TTN: variants seen among roughly 807,000 people sequenced by gnomAD.
TTN encodes the protein titin, also known as connectin.
A neutral mutation model predicts 3,223.0 loss-of-function variants in TTN; 1,525 were observed. That is an observed-to-expected ratio of 0.47 (90% CI 0.45 to 0.49). TTN has a LOEUF of 0.49. Among genes scored for constraint, TTN ranks in the 20% least tolerant of loss-of-function variants. The pLI, the probability that TTN is intolerant of heterozygous loss-of-function variation, is 0.00. For missense variants in TTN, 40,786 were observed against 43,424.0 expected (o/e 0.94, Z 5.40); for synonymous variants, 14,094 against 15,161.0 (o/e 0.93, Z 5.17).
rs1454800092 is a variant in TTN, at chr2:178,653,279, G to C, written c.38750C>G (p.Pro12917Arg). The change falls in exon 198 of 363, where the codon CCC becomes CGC. Residue 12917 changes from proline to arginine, a missense_variant. Transcript: ENST00000589042. ...TTCAGGCTTTTTAGGAGGAGCCAAG[G>C]GCACTTTCTTTTCAAGGACAACTTC... The part of the protein sequence containing the change: ...PKEVVLEKKV[P>R]LAPPKKPEVP... 7 of 1,612,390 alleles carry C rather than the reference G, an allele frequency of 4.3e-6. No homozygotes were observed. Among genetic ancestry groups the C allele is most frequent in the South Asian group, 1.1e-5 (1 of 90,930 alleles).
At chr2:178,779,176 C>G in intron 23 of TTN, 53 bp downstream of exon 23, 1 of 1,612,766 alleles carries the variant, frequency 6.2e-7, no homozygotes, top group African/African-American at 1.3e-5. Context: ...TATATTTTAA[C>G]CAATTTGTAT....
At position 178,590,293 on chromosome 2, in the gene TTN, G is replaced by A. The variant is rs1214929861; in HGVS notation, c.61432C>T (p.Leu20478Phe). The A allele has an allele frequency of 2.5e-6, 4 of 1,570,912 alleles. No individual in the cohort carries two copies. Among genetic ancestry groups the A allele is most frequent in the Non-Finnish European group, 3.5e-6 (4 of 1,159,188 alleles). Residue 20478 changes from leucine to phenylalanine, a missense_variant, in exon 304 of 363, where the codon CTT (leucine) becomes TTT (phenylalanine). Leu to Phe is a conservative substitution (Grantham distance 22, BLOSUM62 0). Transcript: ENST00000589042. ...KDILHPPEVE[L>F]DVTCRDVITV... is the part of the protein sequence containing the mutation. ...ATAACATCACGACAAGTAACATCAA[G>A]TTCTACTTCTGGAGGATGAAGGATA...
At position 178,775,484 on chromosome 2, in the gene TTN, T is replaced by C. The variant is rs397517688; in HGVS notation, c.6380A>G (p.Tyr2127Cys). 11 of 1,613,904 alleles carry C rather than the reference T, an allele frequency of 6.8e-6. No homozygotes were observed. Among genetic ancestry groups the C allele is most frequent in the Non-Finnish European group, 7.6e-6 (9 of 1,179,994 alleles). Residue 2127 changes from tyrosine to cysteine, a missense_variant, in exon 28 of 363, where the codon TAC (tyrosine) becomes TGC (cysteine). Transcript: ENST00000589042. ...TTCACAAACATTGTCTTCGGGCCAG[T>C]ACCAGTAGATCCGGTCAGACCGTTC... ...KIERSDRIYWYWPEDNVCELV... is the reference protein window; with the variant it reads ...KIERSDRIYWCWPEDNVCELV...
In TTN at chr2:178,579,853, A is replaced by G. The variant is rs1446651145; in HGVS notation, c.67349-5T>C. Reference sequence around the variant, plus strand: ...CCACAACTGGTCCAGGAGTTTCTAAAGCAAAGGAGAAATGATAAGTGTAAG... The same window carrying G: ...CCACAACTGGTCCAGGAGTTTCTAAGGCAAAGGAGAAATGATAAGTGTAAG... On this transcript the variant is annotated splice_region_variant and splice_polypyrimidine_tract_variant and intron_variant, in intron 318 of 362. Transcript: ENST00000589042. 1 of 1,612,508 alleles carries G rather than the reference A, an allele frequency of 6.2e-7. No homozygotes were observed. Among genetic ancestry groups the G allele is most frequent in the Non-Finnish European group, 8.5e-7 (1 of 1,179,294 alleles).
chr2:178,713,756 G>C, intron 92 of TTN, 141 bp downstream of exon 92: 1 of 1,061,986 alleles, frequency 9.4e-7, no homozygotes, highest in South Asian at 1.8e-5. Flanking sequence ...TTCTACAGAT[G>C]GTATTGCCTC....
At chr2:178,666,032 A>G (rs1313579398) in intron 163 of TTN, among the ~76,000 whole-genome samples, 1 of 152,164 alleles carries the variant, frequency 6.6e-6, no homozygotes, top group Admixed American at 6.6e-5. Flanking sequence ...AAACTAGATC[A>G]TGGAAAGTGG....
Position 178,553,290 on chromosome 2 carries a change from A to T in TTN, c.89610T>A (p.Thr29870=). 6.2e-7 allele frequency: 1 copy of T among 1,609,446 alleles called. No individual in the cohort carries two copies. The highest frequency in any genetic ancestry group is 8.5e-7 in the Non-Finnish European group (1 of 1,179,802). ...LIPFKGRPPP[T]VTWRKDEKNL... is the part of the protein sequence containing the mutation. ...TCTTCTCATCTTTTCTCCATGTGAC[A>T]GTAGGTGGAGGTCTGCCTTTAAAGG... is the stretch of plus-strand genomic sequence containing the variant. Residue 29870 remains threonine, a synonymous_variant, in exon 335 of 363, where the codon ACT becomes ACA. Transcript: ENST00000589042.
In TTN at chr2:178,774,341, G is replaced by C; in HGVS notation, c.6923C>G (p.Ser2308Cys). The C allele has an allele frequency of 6.2e-7, 1 of 1,614,048 alleles. No homozygotes were observed. The highest frequency in any genetic ancestry group is 8.5e-7 in the Non-Finnish European group (1 of 1,179,972). Residue 2308 changes from serine to cysteine, a missense_variant, in exon 30 of 363, where the codon TCC (serine) becomes TGC (cysteine). Transcript: ENST00000589042. ...AGATGTAATTGTATATTTGCCATTG[G>C]ATTTAAGCTCCACATCATTATGATA... ...KWYHNDVELK[S>C]NGKYTITSRR...
Position 178,538,535 on chromosome 2 carries a change from C to T in TTN, c.99289+5G>A, listed in dbSNP as rs1289488134. 2.5e-6 allele frequency: 4 copies of T among 1,603,248 alleles called. No homozygotes were observed. Among genetic ancestry groups the T allele is most frequent in the South Asian group, 1.1e-5 (1 of 89,614 alleles). On this transcript the variant is annotated splice_donor_5th_base_variant and intron_variant, in intron 354 of 362. Transcript: ENST00000589042. ...ATCATAAGTAGAGAACCAAAGGCTA[C>T]TTACATGTGAGTTTAGTCTTTATAG...
rs1690780313 is a variant in TTN, at chr2:178,534,976, T to G, written c.101639A>C (p.Glu33880Ala). 1.2e-6 allele frequency: 2 copies of G among 1,613,492 alleles called. No homozygotes were observed. Among genetic ancestry groups the G allele is most frequent in the Non-Finnish European group, 1.7e-6 (2 of 1,179,766 alleles). Residue 33880 changes from glutamate (E) to alanine (A), a missense_variant, in exon 358 of 363, where the codon GAA becomes GCA. Transcript: ENST00000589042. The part of the protein sequence containing the change: ...ARHRNILHLH[E>A]SFESMEELVM... ...TAATTCTTCCATGCTTTCAAATGAT[T>G]CATGGAGGTGTAAGATGTTTCTATG...
At chr2:178,601,590 G>A (rs1424004287) in intron 286 of TTN, 26 bp from the exon 287 acceptor site, 1 of 1,594,162 alleles carries the variant, frequency 6.3e-7, no homozygotes. Flanking sequence ...CACAATATAA[G>A]CAACGTTCCT....
In TTN at chr2:178,776,812, A is replaced by G. The variant is rs727503694; in HGVS notation, c.5052T>C (p.Tyr1684=). The change falls in exon 28 of 363, where the codon TAT becomes TAC. Residue 1684 remains tyrosine (Y), a synonymous_variant. Coordinates refer to ENST00000589042, the MANE Select transcript of TTN (RefSeq NM_001267550.2). ...APELEPLHLR[Y]GQEQWEEGDL... Reference sequence around the variant, plus strand: ...CACCTTCTTCCCATTGCTCTTGGCCATATCGCAAATGGAGGGGCTCCAGTT... The same window carrying G: ...CACCTTCTTCCCATTGCTCTTGGCCGTATCGCAAATGGAGGGGCTCCAGTT... The G allele has an allele frequency of 1.2e-6, 2 of 1,614,030 alleles. No homozygotes were observed. Among genetic ancestry groups the G allele is most frequent in the African/African-American group, 2.7e-5 (2 of 74,932 alleles).
At position 178,672,106 on chromosome 2, in the gene TTN, C is replaced by A; in HGVS notation, c.35092G>T (p.Glu11698Ter). ...TCTAATTTGATGAATTCTTCTACTTCATGAAACTCGCCTTCTTCAAAATAT... is the reference window on the plus strand; with the variant it reads ...TCTAATTTGATGAATTCTTCTACTTAATGAAACTCGCCTTCTTCAAAATAT... ...EEYFEEGEFH[E>*]VEEFIKLEQH... The change falls in exon 155 of 363, where the codon GAA becomes TAA. Residue 11698 changes from glutamate (E) to a stop codon, truncating the protein, a stop_gained. Coordinates refer to ENST00000589042, the MANE Select transcript of TTN (RefSeq NM_001267550.2). LOFTEE classifies it high-confidence loss of function. The A allele has an allele frequency of 1.9e-6, 3 of 1,611,992 alleles. No individual in the cohort carries two copies. Among genetic ancestry groups the A allele is most frequent in the Non-Finnish European group, 2.5e-6 (3 of 1,178,960 alleles).
In TTN at chr2:178,679,680, G is replaced by C. The variant is rs369566608; in HGVS notation, c.33583C>G (p.Pro11195Ala). Reference protein sequence around the residue: ...EVVPVIPVKVPEVPRKPVPEE... With the variant: ...EVVPVIPVKVAEVPRKPVPEE... ...GGAACAGGTTTCCTGGGTACCTCAG[G>C]CACTTTAAAGATATTATTAAGAATG... is the stretch of plus-strand genomic sequence containing the variant. Residue 11195 changes from proline (P) to alanine (A), a missense_variant and splice_region_variant, in exon 141 of 363, where the codon CCT (proline) becomes GCT (alanine). Pro to Ala is a conservative substitution (Grantham distance 27). Coordinates refer to ENST00000589042, the MANE Select transcript of TTN (RefSeq NM_001267550.2). 15 of 1,606,364 alleles carry C rather than the reference G, an allele frequency of 9.3e-6. No individual in the cohort carries two copies. The highest frequency in any genetic ancestry group is 1.3e-5 in the Non-Finnish European group (15 of 1,177,542).
chr2:178,588,738 G>A lies in TTN; in HGVS notation c.62987C>T (p.Thr20996Ile), dbSNP rs1178872023. Residue 20996 changes from threonine (T) to isoleucine (I), a missense_variant, in exon 304 of 363, where the codon ACT becomes ATT. Transcript: ENST00000589042. ...TTCCTTTTTCTCCAAAAAGTATCCAGTTATAGACTTTCCACCATCATATTC... is the reference window on the plus strand; with the variant it reads ...TTCCTTTTTCTCCAAAAAGTATCCAATTATAGACTTTCCACCATCATATTC... Reference protein sequence around the residue: ...PPEYDGGKSITGYFLEKKEKH... With the variant: ...PPEYDGGKSIIGYFLEKKEKH... 6.2e-7 allele frequency: 1 copy of A among 1,613,242 alleles called. No homozygotes were observed. Among genetic ancestry groups the A allele is most frequent in the South Asian group, 1.1e-5 (1 of 91,042 alleles).
rs2154278221 is a variant in TTN at position 178,689,382 on chromosome 2, A to G, written c.31928-9T>C. On this transcript the variant is annotated splice_polypyrimidine_tract_variant and intron_variant, in intron 123 of 362. Coordinates refer to ENST00000589042, the MANE Select transcript of TTN (RefSeq NM_001267550.2). ...CTTTGGTATTTCTGGCACTTAAAGG[A>G]TAGTATTGAATTTTAAAATTTGTCA... 6.2e-7 allele frequency: 1 copy of G among 1,613,244 alleles called. No individual in the cohort carries two copies. The highest frequency in any genetic ancestry group is 2.2e-5 in the East Asian group (1 of 44,872).
rs1482777230 is a variant in TTN, at chr2:178,650,802, C to G, written c.39658G>C (p.Glu13220Gln). Reference protein sequence around the residue: ...PEVPKKPVLEEKPAVPVPERA... With the variant: ...PEVPKKPVLEQKPAVPVPERA... ...TCTGGAACAGGAACAGCTGGTTTCT[C>G]TTCCAAGACAGGTTTCTTTGGCACT... Residue 13220 changes from glutamate to glutamine, a missense_variant, in exon 209 of 363, where the codon GAG becomes CAG. Transcript: ENST00000589042. 6.2e-7 allele frequency: 1 copy of G among 1,607,750 alleles called. No individual in the cohort carries two copies. The highest frequency in any genetic ancestry group is 1.7e-5 in the Admixed American group (1 of 59,364).
intron 205 of TTN, 36 bp downstream of exon 205, chr2:178,651,848 T>A: frequency 6.3e-7 from 1 of 1,598,376 alleles, no homozygotes; most frequent in Non-Finnish European, 8.5e-7. Context: ...GGGGAAAGAG[T>A]GGCCGAGGTG....
intron 83 of TTN, 51 bp downstream of exon 83, chr2:178,719,113 C>G: frequency 6.4e-7 from 1 of 1,562,846 alleles, no homozygotes; most frequent in East Asian, 2.3e-5. Flanking sequence ...GGCACCACGT[C>G]CACATGAAAG....
Sources: gnomAD v4.1 joint callset for allele counts (sites outside exome capture counted in the v4.1 genomes callset) on GRCh38, gnomAD v4.1.1 for gene constraint, MANE v1.5 for transcripts, NCBI Gene and HGNC (gene_info 2026-07-23, HGNC 2026-07-21) for gene names.